The following AFG3L2 variants were observed in gnomAD, a reference collection of about 807,000 sequenced individuals.
AFG3L2 encodes AFG3 like matrix AAA peptidase subunit 2.
A neutral mutation model predicts 94.5 loss-of-function variants in AFG3L2; 54 were observed. The ratio of observed to expected loss-of-function variants is 0.57; its 90% confidence interval spans 0.46 to 0.72. The LOEUF (loss-of-function observed/expected upper bound fraction) is 0.72, where lower values mean the gene tolerates loss of function less well. Among genes scored for constraint, AFG3L2 ranks in the 30% least tolerant of loss-of-function variants. The pLI is 0.00. For missense variants in AFG3L2, 754 were observed against 994.9 expected, an observed-to-expected ratio of 0.76 and a Z score of 3.26; for synonymous variants, 377 against 365.5, an observed-to-expected ratio of 1.03 and a Z score of -0.36.
intron 11 of AFG3L2, 38 bp downstream of exon 11, chr18:12,351,268 C>G: frequency 6.2e-7 from 1 of 1,614,100 alleles, no homozygotes. Flanking sequence ...CACCTACACT[C>G]ATGAGCACTG....
chr18:12,329,694 G>T lies in AFG3L2; in HGVS notation c.2265C>A (p.Thr755=). Residue 755 remains threonine, a synonymous_variant, in exon 17 of 17, where the codon ACC becomes ACA. Transcript: ENST00000269143. The part of the protein sequence containing the change: ...LGPRPFAEKS[T]YEEFVEGTGS... ...CAGTGCCTTCCACAAATTCTTCATA[G>T]GTAGATTTTTCCGCAAATGGTCTGG... is the stretch of plus-strand genomic sequence containing the variant. 6.2e-7 allele frequency: 1 copy of T among 1,614,154 alleles called. No individual in the cohort carries two copies. Among genetic ancestry groups the T allele is most frequent in the Non-Finnish European group, 8.5e-7 (1 of 1,180,046 alleles).
intron 1 of AFG3L2, among the ~76,000 whole-genome samples, chr18:12,376,276 G>A (rs956818740): frequency 6.6e-6 from 1 of 152,226 alleles, no homozygotes; most frequent in Non-Finnish European, 1.5e-5. Context: ...TAAACAGTGA[G>A]AGCGACTATT....
chr18:12,371,301 C>T (rs1377196430), intron 2 of AFG3L2, among the ~76,000 whole-genome samples: 2 of 148,906 alleles, frequency 1.3e-5, no homozygotes, highest in Non-Finnish European at 3.0e-5. Context: ...GCGACAAGAG[C>T]CAAACTCAGT....
chr18:12,347,440 A>T (rs1457410938), intron 13 of AFG3L2, among the ~76,000 whole-genome samples: 2 of 152,260 alleles, frequency 1.3e-5, no homozygotes, highest in African/African-American at 4.8e-5. Context: ...GGATTAAATC[A>T]GAAGCCCTAT....
chr18:12,343,935 T>G (rs747686978), intron 14 of AFG3L2, 197 bp downstream of exon 14: 8 of 615,024 alleles, frequency 1.3e-5, no homozygotes, highest in Non-Finnish European at 2.3e-5. Flanking sequence ...TGTGGTCCCT[T>G]TAAATAATTT....
chr18:12,367,199 A>C (rs1818511456), intron 4 of AFG3L2, 77 bp downstream of exon 4: 1 of 1,611,918 alleles, frequency 6.2e-7, no homozygotes, highest in African/African-American at 1.3e-5. Flanking sequence ...AATCCCTCCA[A>C]CACTACACTA....
intron 10 of AFG3L2, among the ~76,000 whole-genome samples, chr18:12,352,612 T>C (rs750313304): frequency 1.2e-4 from 19 of 152,186 alleles, no homozygotes; most frequent in Non-Finnish European, 2.5e-4. Flanking sequence ...TTGTGACTCA[T>C]TTCACCAATT....
At position 12,353,090 on chromosome 18, in the gene AFG3L2, C is replaced by A. The variant is rs774375813; in HGVS notation, c.1233G>T (p.Ala411=). Residue 411 remains alanine, a synonymous_variant, in exon 10 of 17, where the codon GCG becomes GCT. Transcript: ENST00000269143. ...PCILFIDEID[A]VGRKRGRGNF... ...TGCCTCTTCCTCTCTTCCTTCCCAC[C>A]GCATCGATTTCATCGATGAAGAGGA... is the stretch of plus-strand genomic sequence containing the variant. 1 of 1,614,152 alleles carries A rather than the reference C, an allele frequency of 6.2e-7. No individual in the cohort carries two copies. The highest frequency in any genetic ancestry group is 8.5e-7 in the Non-Finnish European group (1 of 1,180,028).
Position 12,367,405 on chromosome 18 carries a change from C to T in AFG3L2, c.293-23G>A, listed in dbSNP as rs775294623. The T allele has an allele frequency of 3.1e-6, 5 of 1,609,678 alleles. No individual in the cohort carries two copies. In the Admixed American group the frequency reaches 8.3e-5, roughly 27 times the overall value. ...ATTCTGTTCATAAACAAAGAGCACA[C>T]ACAGAAGCACGGCAAGGTTTTAGCT... On this transcript the variant is annotated intron_variant, in intron 3 of 16. Coordinates refer to ENST00000269143, the MANE Select transcript of AFG3L2 (RefSeq NM_006796.3).
chr18:12,334,324 C>G (rs769098746), intron 16 of AFG3L2, among the ~76,000 whole-genome samples: 16 of 152,278 alleles, frequency 1.1e-4, no homozygotes, highest in Non-Finnish European at 2.2e-4. Context: ...CAGCGTGAGT[C>G]GTGTGAGTAC....
intron 8 of AFG3L2, 134 bp downstream of exon 8, chr18:12,358,536 G>C: frequency 1.7e-6 from 2 of 1,180,364 alleles, no homozygotes; most frequent in Non-Finnish European, 2.4e-6. Context: ...GAGTTGGGCA[G>C]AGGCTAGCCT....
chr18:12,370,454 T>C (rs1178371761), intron 3 of AFG3L2, among the ~76,000 whole-genome samples: 1 of 149,724 alleles, frequency 6.7e-6, no homozygotes, highest in East Asian at 2.0e-4. Context: ...ACTGACTTAC[T>C]ATAACTTTCT....
Position 12,348,262 on chromosome 18 carries a change from A to G in AFG3L2, c.1663+11T>C. The G allele has an allele frequency of 1.3e-6, 2 of 1,599,926 alleles. No homozygotes were observed. The highest frequency in any genetic ancestry group is 1.7e-6 in the Non-Finnish European group (2 of 1,167,014). ...CAGCCTTTCCACTTGAGTTATGTTC[A>G]GTTTCCTTACCACCAATCACTCGTT... On this transcript the variant is annotated intron_variant, in intron 13 of 16. Transcript: ENST00000269143.
intron 13 of AFG3L2, among the ~76,000 whole-genome samples, chr18:12,345,723 C>T (rs1157570498): frequency 6.6e-6 from 1 of 152,146 alleles, no homozygotes; most frequent in Non-Finnish European, 1.5e-5. Flanking sequence ...CTCTGCCCTG[C>T]CCTCTCTGAT....
intron 15 of AFG3L2, among the ~76,000 whole-genome samples, chr18:12,339,774 G>A (rs1907883071): frequency 6.7e-6 from 1 of 148,448 alleles, no homozygotes. Context: ...GTGTGAACCT[G>A]GGAGGCAGAG....
intron 6 of AFG3L2, among the ~76,000 whole-genome samples, chr18:12,363,215 A>C: frequency 6.6e-6 from 1 of 152,188 alleles, no homozygotes; most frequent in East Asian, 1.9e-4. Context: ...TGGGAGCCTC[A>C]GCTTCACCTC....
rs1344087985 is a variant in AFG3L2, at chr18:12,331,832, T to A, written c.2176-2049A>T. On this transcript the variant is annotated intron_variant, in intron 16 of 16. Transcript: ENST00000269143. ...AAATATATATATATATATATATATA[T>A]ATATATATATATATATATATATATA... Among the ~76,000 whole-genome samples, 4 of 2,424 alleles carry A rather than the reference T, an allele frequency of 1.7e-3. 1 individual carries two copies. The highest frequency in any genetic ancestry group is 0.077 in the South Asian group (2 of 26). 1.6% of individuals were successfully genotyped at this position (2,424 alleles called of 152,430 possible).
chr18:12,329,215 C>T lies in AFG3L2; in HGVS notation c.*350G>A, dbSNP rs1305844239. 8.5e-6 allele frequency: 6 copies of T among 702,884 alleles called. No homozygotes were observed. Among genetic ancestry groups the T allele is most frequent in the Middle Eastern group, 2.3e-4 (1 of 4,302 alleles). The allele number at this position is 702,884 out of a possible 1,614,324, so 43.5% of individuals were successfully genotyped here. A position where few individuals can be genotyped will look rare whatever the true frequency, so the allele number is the denominator to read the frequency against. On this transcript the variant is annotated 3_prime_UTR_variant, in exon 17 of 17. Transcript: ENST00000269143. Reference sequence around the variant, plus strand: ...GGCGACAAAGAGAAAGCATCCCTTCCCACACGCCAAGAGTCCAGTGCAACG... The same window carrying T: ...GGCGACAAAGAGAAAGCATCCCTTCTCACACGCCAAGAGTCCAGTGCAACG...
chr18:12,373,441 A>G (rs2143240771), intron 1 of AFG3L2, among the ~76,000 whole-genome samples: 1 of 152,350 alleles, frequency 6.6e-6, no homozygotes, highest in South Asian at 2.1e-4. Context: ...AAATCATGGG[A>G]CAAATCAGTT....
Sources: allele counts gnomAD v4.1 joint callset (sites outside exome capture counted in the v4.1 genomes callset), GRCh38; gene constraint gnomAD v4.1.1; transcripts MANE v1.5; gene names NCBI Gene and HGNC (gene_info 2026-07-23, HGNC 2026-07-21).